The following SLA variants were observed in gnomAD, a reference collection of about 807,000 sequenced individuals.
The protein encoded by SLA is src-like-adapter.
SLA carries 16 observed loss-of-function variants against 30.3 expected under a neutral mutation model. The observed-to-expected ratio is 0.53, with a 90% CI of 0.36 to 0.80. The LOEUF is 0.80. SLA is among the 30% of genes least tolerant of loss of function. The pLI, the probability that SLA is intolerant of heterozygous loss-of-function variation, is 0.01. For synonymous variants in SLA, 143 were observed against 137.8 expected, an observed-to-expected ratio of 1.04 and a Z score of -0.26; for missense variants, 310 against 345.2, an observed-to-expected ratio of 0.90 and a Z score of 0.81.
chr8:133,039,868 G>A, intron 8 of SLA, 130 bp downstream of exon 8: 1 of 1,451,192 alleles, frequency 6.9e-7, no homozygotes. Flanking sequence ...CCCAGTTTCA[G>A]CAGGGCTGGC....
intron 2 of SLA, among the ~76,000 whole-genome samples, chr8:133,065,171 C>T (rs1842877706): frequency 6.6e-6 from 1 of 152,202 alleles, no homozygotes; most frequent in African/African-American, 2.4e-5. Context: ...ACGGTGATGA[C>T]CAGAACACCC....
Position 133,037,909 on chromosome 8 carries a change from T to C in SLA, c.*615A>G, listed in dbSNP as rs979216826. The C allele has an allele frequency of 6.6e-6, 1 of 152,590 alleles. No homozygotes were observed. The highest frequency in any genetic ancestry group is 2.4e-5 in the African/African-American group (1 of 41,564). The allele number at this position is 152,590 out of a possible 1,614,324, so 9.5% of individuals were successfully genotyped here. A position where few individuals can be genotyped will look rare whatever the true frequency, so the allele number is the denominator to read the frequency against. On this transcript the variant is annotated 3_prime_UTR_variant, in exon 9 of 9. Transcript: ENST00000338087. ...GGAGGCCAACTGACTTCCACCCATA[T>C]GGCTTTGGTGCAGGAGCAGACCAAA...
chr8:133,048,258 T>C (rs1228853468), intron 5 of SLA, among the ~76,000 whole-genome samples: 2 of 152,182 alleles, frequency 1.3e-5, no homozygotes, highest in Non-Finnish European at 2.9e-5. Context: ...CCCTGCTCTA[T>C]CACCCAGACT....
rs375087138 is a variant in SLA at position 133,047,826 on chromosome 8, T to C, written c.352+4A>G. On this transcript the variant is annotated splice_donor_region_variant and intron_variant, in intron 6 of 8. Coordinates refer to ENST00000338087, the MANE Select transcript of SLA (RefSeq NM_001045556.3). ...TGGGGAAAGATGAGTTGGGGGCCAC[T>C]CACCTTTCTTGGTCTCACTCTCTCT... 3.9e-6 allele frequency: 6 copies of C among 1,523,566 alleles called. No homozygotes were observed. In the African/African-American group the frequency reaches 8.2e-5, roughly 21 times the overall value. 94.4% of individuals were successfully genotyped at this position (1,523,566 alleles called of 1,614,324 possible).
intron 1 of SLA, among the ~76,000 whole-genome samples, chr8:133,089,640 T>C (rs1229029690): frequency 2.6e-5 from 4 of 152,204 alleles, no homozygotes; most frequent in African/African-American, 9.7e-5. Context: ...AAGTCACTGG[T>C]CCATCTGCCT....
chr8:133,084,241 T>A (rs1015017914), intron 1 of SLA, among the ~76,000 whole-genome samples: 1 of 152,192 alleles, frequency 6.6e-6, no homozygotes, highest in Non-Finnish European at 1.5e-5. Flanking sequence ...ACTTTGCCTC[T>A]GTCTAGGCAG....
intron 1 of SLA, among the ~76,000 whole-genome samples, chr8:133,094,462 G>C (rs757803257): frequency 2.0e-5 from 3 of 151,864 alleles, no homozygotes; most frequent in Admixed American, 6.6e-5. Context: ...GGATGGTCTC[G>C]ATCTCCTGAC....
rs183377267 is a variant in SLA at position 133,086,452 on chromosome 8, C to G, written c.-318-11322G>C. Among the ~76,000 whole-genome samples, 581 of 152,204 alleles carry G rather than the reference C, an allele frequency of 3.8e-3. 1 individual carries two copies. Among genetic ancestry groups the G allele is most frequent in the Non-Finnish European group, 6.9e-3 (466 of 68,002 alleles). On this transcript the variant is annotated intron_variant, in intron 1 of 8. Transcript: ENST00000338087. ...ATGTTTATCATACAACAAAAATATT[C>G]TTCTTTAATACGGATGTTCATGTGG...
At chr8:133,081,282 C>T (rs4278132) in intron 1 of SLA, among the ~76,000 whole-genome samples, 39,054 of 152,184 alleles carry the variant, frequency 0.26, 5,321 homozygotes, top group African/African-American at 0.31. Flanking sequence ...AGATGTGATC[C>T]GTAACTATCC....
intron 2 of SLA, among the ~76,000 whole-genome samples, chr8:133,061,411 C>T (rs950663575): frequency 7.2e-5 from 11 of 152,112 alleles, no homozygotes; most frequent in East Asian, 1.9e-4. Context: ...CCACTTTGAA[C>T]GTGGCGTGGC....
chr8:133,102,511 C>G, intron 1 of SLA, 42 bp downstream of exon 1: 1 of 1,547,428 alleles, frequency 6.5e-7, no homozygotes, highest in Non-Finnish European at 8.7e-7. Context: ...CCACCTATGG[C>G]CCACCCAGGG....
chr8:133,087,482 C>A (rs2131581892), intron 1 of SLA, among the ~76,000 whole-genome samples: 1 of 152,290 alleles, frequency 6.6e-6, no homozygotes, highest in South Asian at 2.1e-4. Flanking sequence ...ATTGTCCCTG[C>A]AAAGGTTTTC....
At chr8:133,079,334 A>G (rs1845395372) in intron 1 of SLA, among the ~76,000 whole-genome samples, 1 of 152,182 alleles carries the variant, frequency 6.6e-6, no homozygotes, top group Non-Finnish European at 1.5e-5. Context: ...AATAATAACA[A>G]TGCCAGCCAT....
In SLA at chr8:133,050,585, C is replaced by A. The variant is rs1046466579; in HGVS notation, c.161+231G>T. 12 of 454,318 alleles carry A rather than the reference C, an allele frequency of 2.6e-5. No homozygotes were observed. In the South Asian group the frequency reaches 3.0e-4, roughly 11 times the overall value. The allele number at this position is 454,318 out of a possible 1,614,324, so 28.1% of individuals were successfully genotyped here. A position where few individuals can be genotyped will look rare whatever the true frequency, so the allele number is the denominator to read the frequency against. On this transcript the variant is annotated intron_variant, in intron 4 of 8. Transcript: ENST00000338087. ...GCTGGATCATAAAGGATCTCAAAAG[C>A]CAAGTTAAGGAATTTAAATTTGATC...
intron 1 of SLA, among the ~76,000 whole-genome samples, chr8:133,095,847 T>C (rs533836016): frequency 6.6e-6 from 1 of 152,326 alleles, no homozygotes; most frequent in South Asian, 2.1e-4. Flanking sequence ...GCTAATTTGA[T>C]CATAGCTGGA....
At chr8:133,053,596 A>C (rs1365206267) in intron 3 of SLA, among the ~76,000 whole-genome samples, 1 of 152,160 alleles carries the variant, frequency 6.6e-6, no homozygotes, top group Non-Finnish European at 1.5e-5. Context: ...ACAATAATAG[A>C]ACCTTGAGGT....
rs979615722 is a variant in SLA, at chr8:133,075,142, G to C, written c.-318-12C>G. On this transcript the variant is annotated splice_polypyrimidine_tract_variant and intron_variant, in intron 1 of 8. Transcript: ENST00000338087. ...TCTCTCTGCAAGGACTGGGAAGATA[G>C]ATGGGTTATTAATTTTTTTACAAAG... is the stretch of plus-strand genomic sequence containing the variant. 3.0e-6 allele frequency: 3 copies of C among 985,002 alleles called. No individual in the cohort carries two copies. The highest frequency in any genetic ancestry group is 3.6e-6 in the Non-Finnish European group (3 of 829,630). 61.0% of individuals were successfully genotyped at this position (985,002 alleles called of 1,614,324 possible). A position where few individuals can be genotyped will look rare whatever the true frequency, so the allele number is the denominator to read the frequency against.
chr8:133,076,871 G>A (rs1445560677), intron 1 of SLA: 2 of 152,070 alleles, frequency 1.3e-5, no homozygotes, highest in African/African-American at 4.8e-5. Context: ...TGGGTCACGG[G>A]AAAAGAACTA....
Position 133,095,291 on chromosome 8 carries a change from C to T in SLA, c.-319+7262G>A, listed in dbSNP as rs1273400933. On this transcript the variant is annotated intron_variant, in intron 1 of 8. Transcript: ENST00000338087. The stretch of plus-strand genomic sequence containing the variant: ...ATGAAGACCTAGGAAGGAGGTGTCA[C>T]CCACCCCAGCCATACCACACATGAG... 1.9e-6 allele frequency: 3 copies of T among 1,582,812 alleles called. No homozygotes were observed. In the African/African-American group the frequency reaches 4.0e-5, roughly 21 times the overall value.
Sources: gnomAD v4.1 joint callset for allele counts (sites outside exome capture counted in the v4.1 genomes callset) on GRCh38, gnomAD v4.1.1 for gene constraint, MANE v1.5 for transcripts, NCBI Gene and HGNC (gene_info 2026-07-23, HGNC 2026-07-21) for gene names.